EXOC6B: variants seen among roughly 807,000 people sequenced by gnomAD.
EXOC6B encodes exocyst complex component 6B, also known as SEC15 homolog B.
In EXOC6B, 54 loss-of-function variants were observed where a neutral mutation model predicts 113.5. The ratio of observed to expected loss-of-function variants is 0.48; its 90% CI spans 0.38 to 0.60. The LOEUF (loss-of-function observed/expected upper bound fraction) is 0.60, where lower values mean the gene tolerates loss of function less well. Ranked by LOEUF, EXOC6B falls within the 20% of genes least tolerant of loss-of-function variation. The probability of loss-of-function intolerance (pLI) is 0.00; values close to 1 mark genes in which losing one functional copy is unlikely to be tolerated. For synonymous variants in EXOC6B, 357 were observed against 339.0 expected (o/e 1.05, Z -0.58); for missense variants, 797 against 977.5 (o/e 0.82, Z 2.46).
intron 20 of EXOC6B, among the ~76,000 whole-genome samples, chr2:72,329,181 C>A (rs1371322966): frequency 6.6e-6 from 1 of 152,118 alleles, no homozygotes. Flanking sequence ...TCTTCATCAA[C>A]TGCTCAGTAG....
intron 20 of EXOC6B, among the ~76,000 whole-genome samples, chr2:72,229,971 A>G (rs1466250258): frequency 6.6e-6 from 1 of 152,110 alleles, no homozygotes; most frequent in African/African-American, 2.4e-5. Flanking sequence ...TCACTGTACA[A>G]TGTTACCTAG....
chr2:72,761,302 C>G (rs1427898769), intron 1 of EXOC6B, among the ~76,000 whole-genome samples: 1 of 152,172 alleles, frequency 6.6e-6, no homozygotes, highest in African/African-American at 2.4e-5. Context: ...TTTAGAGAAT[C>G]TGATATTCTA....
intron 20 of EXOC6B, among the ~76,000 whole-genome samples, chr2:72,222,951 C>G (rs1004362341): frequency 1.3e-5 from 2 of 152,178 alleles, no homozygotes; most frequent in Non-Finnish European, 2.9e-5. Context: ...TACTCACTCT[C>G]TCTTCACAGA....
In EXOC6B at chr2:72,575,560, T is replaced by C. The variant is rs781424921; in HGVS notation, c.778A>G (p.Ser260Gly). The change falls in exon 7 of 22, where the codon AGT becomes GGT. Residue 260 changes from serine to glycine, a missense_variant. By Grantham distance (56) the Ser-to-Gly change is moderately conservative. Coordinates refer to ENST00000272427, the MANE Select transcript of EXOC6B (RefSeq NM_015189.3). ...AYIIFDTEIE[S>G]TSPKSEQDSG... is the part of the protein sequence containing the mutation. Reference sequence around the variant, plus strand: ...TCCTGTTCAGACTTCGGACTAGTACTTTCTATCTCTGTATCAAAGATTATA... The same window carrying C: ...TCCTGTTCAGACTTCGGACTAGTACCTTCTATCTCTGTATCAAAGATTATA... The C allele has an allele frequency of 3.7e-6, 6 of 1,611,772 alleles. No homozygotes were observed. The African/African-American group carries it at 8.0e-5, about 22-fold the overall frequency.
At chr2:72,507,325 C>T (rs552349274) in intron 11 of EXOC6B, among the ~76,000 whole-genome samples, 9 of 152,152 alleles carry the variant, frequency 5.9e-5, no homozygotes, top group Admixed American at 2.6e-4. Flanking sequence ...TGTCTCTTAA[C>T]GTATAAAATG....
intron 8 of EXOC6B, among the ~76,000 whole-genome samples, chr2:72,556,467 A>ACT (rs1326133009): frequency 1.3e-5 from 2 of 152,232 alleles, no homozygotes; most frequent in African/African-American, 4.8e-5. Context: ...ACAAAAGACT[A>ACT]CGTTGACATG....
At chr2:72,656,940 C>T (rs896947077) in intron 6 of EXOC6B, among the ~76,000 whole-genome samples, 1 of 152,044 alleles carries the variant, frequency 6.6e-6, no homozygotes, top group African/African-American at 2.4e-5. Flanking sequence ...CAACCTCCAC[C>T]CCCTAGGTTC....
intron 17 of EXOC6B, among the ~76,000 whole-genome samples, chr2:72,473,943 T>G (rs1698564847): frequency 6.6e-6 from 1 of 152,158 alleles, no homozygotes; most frequent in Non-Finnish European, 1.5e-5. Flanking sequence ...GTAAGGCCAG[T>G]GTAGTGGTGA....
chr2:72,229,028 AT>A (rs1681439906), intron 20 of EXOC6B, among the ~76,000 whole-genome samples: 1 of 152,064 alleles, frequency 6.6e-6, no homozygotes, highest in Non-Finnish European at 1.5e-5. Context: ...GATAGTGAGC[AT>A]TTTTTCATGT....
intron 1 of EXOC6B, among the ~76,000 whole-genome samples, chr2:72,797,341 T>C (rs977956954): frequency 2.0e-5 from 3 of 152,222 alleles, no homozygotes; most frequent in African/African-American, 7.2e-5. Context: ...AAAAGGAAGG[T>C]ACTCTAGGTA....
At chr2:72,708,985 C>A (rs1044014737) in intron 6 of EXOC6B, among the ~76,000 whole-genome samples, 2 of 123,818 alleles carry the variant, frequency 1.6e-5, no homozygotes, top group African/African-American at 6.1e-5. Context: ...CTCAAGTGAT[C>A]TTCCCACCTC....
intron 8 of EXOC6B, among the ~76,000 whole-genome samples, chr2:72,531,530 C>A (rs1197720784): frequency 1.3e-5 from 2 of 152,130 alleles, no homozygotes; most frequent in Non-Finnish European, 2.9e-5. Flanking sequence ...ATACTGTATG[C>A]TAGACCATTA....
At chr2:72,298,555 T>C (rs535316387) in intron 20 of EXOC6B, among the ~76,000 whole-genome samples, 1 of 152,346 alleles carries the variant, frequency 6.6e-6, no homozygotes, top group East Asian at 1.9e-4. Context: ...TTTTGCCTGT[T>C]AGGTGATGCA....
chr2:72,640,436 C>T lies in EXOC6B; in HGVS notation c.670-64768G>A, dbSNP rs77196938. ...GGGAGAAAGGAACCAACTCAGAAAA[C>T]GTATTTCAGGATACATCCATGAGAA... On this transcript the variant is annotated intron_variant, in intron 6 of 21. Transcript: ENST00000272427. Among the ~76,000 whole-genome samples, 726 of 152,296 alleles carry T rather than the reference C, an allele frequency of 4.8e-3. 4 individuals are homozygous for T. The highest frequency in any genetic ancestry group is 0.016 in the African/African-American group (666 of 41,550).
intron 17 of EXOC6B, among the ~76,000 whole-genome samples, chr2:72,466,009 A>G (rs974837387): frequency 6.6e-6 from 1 of 152,120 alleles, no homozygotes; most frequent in Non-Finnish European, 1.5e-5. Flanking sequence ...TTCAACAATC[A>G]TATATGCGAG....
chr2:72,650,954 T>C (rs911373725), intron 6 of EXOC6B, among the ~76,000 whole-genome samples: 2 of 151,388 alleles, frequency 1.3e-5, no homozygotes, highest in Non-Finnish European at 2.9e-5. Context: ...ACCACTGCAC[T>C]CCAGCTAGGG....
At chr2:72,319,321 CCCCA>C (rs1687715254) in intron 20 of EXOC6B, among the ~76,000 whole-genome samples, 1 of 152,058 alleles carries the variant, frequency 6.6e-6, no homozygotes, top group Non-Finnish European at 1.5e-5. Context: ...CTGAATACTC[CCCCA>C]CCCACTAAGA....
At chr2:72,289,726 T>C (rs987809115) in intron 20 of EXOC6B, among the ~76,000 whole-genome samples, 3 of 152,136 alleles carry the variant, frequency 2.0e-5, no homozygotes, top group Admixed American at 2.0e-4. Context: ...CCTGAATTGG[T>C]AGACTGAGTA....
chr2:72,637,098 G>A (rs1672892760), intron 6 of EXOC6B, among the ~76,000 whole-genome samples: 1 of 151,756 alleles, frequency 6.6e-6, no homozygotes, highest in African/African-American at 2.4e-5. Flanking sequence ...ATATACAAAG[G>A]TATAAACCTA....
Sources: gnomAD v4.1 joint callset for allele counts (sites outside exome capture counted in the v4.1 genomes callset) on GRCh38, gnomAD v4.1.1 for gene constraint, MANE v1.5 for transcripts, NCBI Gene and HGNC (gene_info 2026-07-23, HGNC 2026-07-21) for gene names.